The following CAMTA1 variants were observed in gnomAD, a reference collection of about 807,000 sequenced individuals.
The protein encoded by CAMTA1 is calmodulin binding transcription activator 1, also known as calmodulin-binding transcription activator 1.
CAMTA1 carries 27 observed loss-of-function variants against 170.9 expected under a neutral mutation model. That is an observed-to-expected ratio of 0.16 (90% CI 0.12 to 0.22). The LOEUF (loss-of-function observed/expected upper bound fraction) is 0.22, where lower values mean the gene tolerates loss of function less well. Among genes scored for constraint, CAMTA1 ranks in the 10% least tolerant of loss-of-function variants. The probability of loss-of-function intolerance (pLI) is 1.00; values close to 1 mark genes in which losing one functional copy is unlikely to be tolerated. For synonymous variants in CAMTA1, 833 were observed against 891.5 expected (o/e 0.93, Z 1.17); for missense variants, 1,619 against 2,217.2 (o/e 0.73, Z 5.42).
At chr1:7,157,234 A>T (rs1437774794) in intron 4 of CAMTA1, among the ~76,000 whole-genome samples, 4 of 149,756 alleles carry the variant, frequency 2.7e-5, no homozygotes, top group Non-Finnish European at 5.9e-5. Flanking sequence ...AGTCCCAGCG[A>T]CTGGGGAGAC....
In CAMTA1 at chr1:7,664,727, T is replaced by C; in HGVS notation, c.2180T>C (p.Ile727Thr). Reference sequence around the variant, plus strand: ...CTGCAGCCGGAGACCAACGGGGTAATCCGAAGCGCCGGCGGCGTCCCCATC... The same window carrying C: ...CTGCAGCCGGAGACCAACGGGGTAACCCGAAGCGCCGGCGGCGTCCCCATC... ...HYLQPETNGV[I>T]RSAGGVPILP... is the part of the protein sequence containing the mutation. The change falls in exon 9 of 23, where the codon ATC becomes ACC. Residue 727 changes from isoleucine to threonine, a missense_variant. Ile to Thr is a moderately conservative substitution (Grantham distance 89). Transcript: ENST00000303635. 1.2e-6 allele frequency: 2 copies of C among 1,608,700 alleles called. No homozygotes were observed. The highest frequency in any genetic ancestry group is 1.7e-6 in the Non-Finnish European group (2 of 1,176,624).
intron 6 of CAMTA1, among the ~76,000 whole-genome samples, chr1:7,558,471 CA>C (rs1297026391): frequency 6.6e-6 from 1 of 152,260 alleles, no homozygotes; most frequent in Non-Finnish European, 1.5e-5. Flanking sequence ...CACTCCTGAG[CA>C]GACAGGGAGG....
chr1:7,175,101 A>G (rs558184400), intron 4 of CAMTA1, among the ~76,000 whole-genome samples: 1 of 152,058 alleles, frequency 6.6e-6, no homozygotes, highest in East Asian at 1.9e-4. Flanking sequence ...TAGGACAGGA[A>G]AGTACAGGAG....
At chr1:7,551,258 C>T (rs1247594877) in intron 6 of CAMTA1, among the ~76,000 whole-genome samples, 4 of 151,782 alleles carry the variant, frequency 2.6e-5, no homozygotes, top group African/African-American at 9.7e-5. Flanking sequence ...CTCCGGAGGT[C>T]GGACAAGAGC....
chr1:6,938,355 G>A (rs1418835793), intron 3 of CAMTA1, among the ~76,000 whole-genome samples: 1 of 152,142 alleles, frequency 6.6e-6, no homozygotes, highest in Non-Finnish European at 1.5e-5. Context: ...GCTGGGGTGG[G>A]GAGGATGGAG....
intron 3 of CAMTA1, among the ~76,000 whole-genome samples, chr1:6,997,123 C>T (rs1697381974): frequency 6.6e-6 from 1 of 152,186 alleles, no homozygotes; most frequent in Admixed American, 6.5e-5. Context: ...CGAAGCTTCC[C>T]TTGTGGCTCA....
chr1:7,035,921 G>A (rs1186354843), intron 3 of CAMTA1, among the ~76,000 whole-genome samples: 4 of 152,212 alleles, frequency 2.6e-5, no homozygotes, highest in Admixed American at 6.5e-5. Context: ...CTAAGGCTGT[G>A]TGTATATATG....
chr1:6,878,870 G>C (rs1670671311), intron 3 of CAMTA1, among the ~76,000 whole-genome samples: 2 of 152,218 alleles, frequency 1.3e-5, no homozygotes, highest in Non-Finnish European at 2.9e-5. Context: ...ATTCAGTGCA[G>C]ATAGGCAGCT....
At chr1:7,755,903 G>A (rs1019123797) in intron 22 of CAMTA1, among the ~76,000 whole-genome samples, 3 of 152,166 alleles carry the variant, frequency 2.0e-5, no homozygotes, top group African/African-American at 2.4e-5. Flanking sequence ...AGGGAGGGCC[G>A]TTCCAAACCA....
At position 7,041,727 on chromosome 1, in the gene CAMTA1, C is replaced by T. The variant is rs764752548; in HGVS notation, c.235-49577C>T. The stretch of plus-strand genomic sequence containing the variant: ...CCTCGTAGATAAAGGAAAATTGAGA[C>T]GATATTGATATTCTACATCCGTTTT... On this transcript the variant is annotated intron_variant, in intron 3 of 22. Transcript: ENST00000303635. The surrounding 1 kb of genome is among the most constrained non-coding windows in gnomAD (Gnocchi z 5.1). Among the ~76,000 whole-genome samples, 12 of 152,180 alleles carry T rather than the reference C, an allele frequency of 7.9e-5. No homozygotes were observed. Among genetic ancestry groups the T allele is most frequent in the Non-Finnish European group, 1.6e-4 (11 of 68,044 alleles).
At chr1:7,626,034 C>A (rs2095631131) in intron 6 of CAMTA1, among the ~76,000 whole-genome samples, 2 of 152,154 alleles carry the variant, frequency 1.3e-5, no homozygotes, top group Admixed American at 1.3e-4. Context: ...CTTTGTTAAC[C>A]CCCAGTCACT....
chr1:7,377,922 A>G (rs1401568698), intron 5 of CAMTA1, among the ~76,000 whole-genome samples: 4 of 152,178 alleles, frequency 2.6e-5, no homozygotes, highest in African/African-American at 9.7e-5. Context: ...GCCTGTCTCA[A>G]AAAAATAATA....
intron 3 of CAMTA1, among the ~76,000 whole-genome samples, chr1:6,953,637 A>G (rs1028478847): frequency 2.0e-5 from 3 of 152,156 alleles, no homozygotes; most frequent in Non-Finnish European, 4.4e-5. Flanking sequence ...TCACCTCCTT[A>G]TGCCCAGAGT....
In CAMTA1 at chr1:7,663,494, G is replaced by C. The variant is rs756949237; in HGVS notation, c.947G>C (p.Ser316Thr). Residue 316 changes from serine (S) to threonine (T), a missense_variant, in exon 9 of 23, where the codon AGC becomes ACC. By Grantham distance (58) the Ser-to-Thr change is moderately conservative. Around this residue, in one of 8 missense-constraint regions of CAMTA1, gnomAD observed 731 missense variants for 907.6 expected, o/e 0.81. Transcript: ENST00000303635. ...GTGTCGGAGGGCAAGCACGAGCACA[G>C]CCACAGCAAGGGCTCCAGCCGTGAG... ...NDVSEGKHEH[S>T]HSKGSSREKR... 3 of 1,599,774 alleles carry C rather than the reference G, an allele frequency of 1.9e-6. No individual in the cohort carries two copies. In the Admixed American group the frequency reaches 5.0e-5, roughly 27 times the overall value.
chr1:7,058,316 C>T (rs369821023), intron 3 of CAMTA1, among the ~76,000 whole-genome samples: 9 of 152,156 alleles, frequency 5.9e-5, no homozygotes, highest in African/African-American at 9.7e-5. Context: ...AGATGGGAGA[C>T]GGTTTTCTCA....
chr1:6,995,089 T>C (rs1429360800), intron 3 of CAMTA1, among the ~76,000 whole-genome samples: 1 of 152,102 alleles, frequency 6.6e-6, no homozygotes, highest in East Asian at 1.9e-4. Context: ...TTCAATTATA[T>C]GGATATTTGA....
chr1:6,870,754 T>G (rs1668180601), intron 3 of CAMTA1, among the ~76,000 whole-genome samples: 1 of 152,214 alleles, frequency 6.6e-6, no homozygotes, highest in Non-Finnish European at 1.5e-5. Flanking sequence ...GGCCATCATT[T>G]ACACTGCTTT....
intron 3 of CAMTA1, among the ~76,000 whole-genome samples, chr1:6,863,072 T>A (rs1023838172): frequency 6.6e-6 from 1 of 152,182 alleles, no homozygotes; most frequent in African/African-American, 2.4e-5. Flanking sequence ...ACAATGTAAT[T>A]TGATGTGTGT....
chr1:7,408,812 G>C (rs887081349), intron 5 of CAMTA1, among the ~76,000 whole-genome samples: 3 of 152,190 alleles, frequency 2.0e-5, no homozygotes, highest in Non-Finnish European at 4.4e-5. Context: ...TGGCAGGTGG[G>C]GAAACTGAGG....
Sources: allele counts gnomAD v4.1 joint callset (sites outside exome capture counted in the v4.1 genomes callset), GRCh38; gene constraint gnomAD v4.1.1; regional missense constraint gnomAD v4.1.1; non-coding constraint Gnocchi (gnomAD v3.1); transcripts MANE v1.5; gene names NCBI Gene and HGNC (gene_info 2026-07-23, HGNC 2026-07-21).